Variants in DLGAP2 observed in about 807,000 individuals in gnomAD.
The protein encoded by DLGAP2 is disks large-associated protein 2.
In DLGAP2, 26 loss-of-function variants were observed where a neutral mutation model predicts 100.3. That is an observed-to-expected ratio of 0.26 (90% CI 0.19 to 0.36). The LOEUF is 0.36. Among genes scored for constraint, DLGAP2 ranks in the 10% least tolerant of loss-of-function variants. DLGAP2 has a pLI of 1.00. For synonymous variants in DLGAP2, 886 were observed against 630.1 expected (o/e 1.41, Z -6.08); for missense variants, 1,858 against 1,453.2 (o/e 1.28, Z -4.53).
rs61332216 is a variant in DLGAP2 at position 1,430,003 on chromosome 8, TATAC to T, written c.107-71359_107-71356del. 6.0e-4 allele frequency among the ~76,000 whole-genome samples: 42 copies of T among 70,286 alleles called. 5 individuals carry two copies. Among genetic ancestry groups the T allele is most frequent in the South Asian group, 2.7e-3 (5 of 1,884 alleles). The allele number at this position is 70,286 out of a possible 152,430, so 46.1% of individuals were successfully genotyped here. A position where few individuals can be genotyped will look rare whatever the true frequency, so the allele number is the denominator to read the frequency against. ...AAGCAGAAGGGGAGAGATGCATATA[TATAC>T]ATATATATATATATATATATACACA... is the stretch of plus-strand genomic sequence containing the variant. On this transcript the variant is annotated intron_variant, in intron 3 of 14. Coordinates refer to ENST00000637795, the MANE Select transcript of DLGAP2 (RefSeq NM_001346810.2).
At chr8:1,638,068 A>G (rs1184178761) in intron 8 of DLGAP2, among the ~76,000 whole-genome samples, 4 of 152,148 alleles carry the variant, frequency 2.6e-5, no homozygotes, top group Non-Finnish European at 4.4e-5. Flanking sequence ...GGCAGGACGG[A>G]TGGGGGACAT....
In DLGAP2 at chr8:1,697,230, C is replaced by T. The variant is rs1799422864; in HGVS notation, c.2880C>T (p.Ser960=). ...DMLQLSIEDV[S]MKFDELQRLR... ...TGCAGCTCTCCATTGAGGACGTCAG[C>T]ATGAAGTTCGACGAGCTGCAGCGGC... Residue 960 remains serine, a synonymous_variant, in exon 14 of 15, where the codon AGC becomes AGT. Transcript: ENST00000637795. 6.2e-7 allele frequency: 1 copy of T among 1,611,648 alleles called. No individual in the cohort carries two copies. Among genetic ancestry groups the T allele is most frequent in the African/African-American group, 1.3e-5 (1 of 74,862 alleles).
intron 2 of DLGAP2, among the ~76,000 whole-genome samples, chr8:1,179,125 A>C (rs1797325730): frequency 6.6e-6 from 1 of 152,144 alleles, no homozygotes; most frequent in African/African-American, 2.4e-5. Flanking sequence ...TACGATACCA[A>C]AGTGCCTGGA....
intron 3 of DLGAP2, among the ~76,000 whole-genome samples, chr8:1,449,618 G>T (rs1020558905): frequency 2.6e-5 from 4 of 152,290 alleles, no homozygotes; most frequent in Middle Eastern, 3.4e-3. Flanking sequence ...CATTCTGAAC[G>T]GGCAATGCTG....
At chr8:1,624,843 C>T (rs998830635) in intron 6 of DLGAP2, among the ~76,000 whole-genome samples, 1 of 145,392 alleles carries the variant, frequency 6.9e-6, no homozygotes, top group Non-Finnish European at 1.5e-5. Flanking sequence ...CCTCCCTTTG[C>T]TTTCTCTCTC....
chr8:985,959 G>T (rs1458237896), intron 2 of DLGAP2, among the ~76,000 whole-genome samples: 1 of 152,138 alleles, frequency 6.6e-6, no homozygotes, highest in Non-Finnish European at 1.5e-5. Context: ...AAAACTTCCT[G>T]AAGAAGATGC....
At chr8:1,236,228 C>A (rs1377542278) in intron 2 of DLGAP2, among the ~76,000 whole-genome samples, 1 of 85,224 alleles carries the variant, frequency 1.2e-5, no homozygotes, top group Non-Finnish European at 2.3e-5. Flanking sequence ...GTGTCTAGTT[C>A]TCTCACATGG....
At chr8:1,101,309 A>G (rs959022763) in intron 2 of DLGAP2, among the ~76,000 whole-genome samples, 3 of 152,234 alleles carry the variant, frequency 2.0e-5, no homozygotes, top group African/African-American at 4.8e-5. Context: ...CAGGGGGGCC[A>G]TTTGTTGGCC....
chr8:1,023,428 AAGC>A (rs1801684503), intron 2 of DLGAP2, among the ~76,000 whole-genome samples: 1 of 152,160 alleles, frequency 6.6e-6, no homozygotes, highest in African/African-American at 2.4e-5. Flanking sequence ...TCCTGGGTTC[AAGC>A]AGCATCCCAT....
intron 1 of DLGAP2, among the ~76,000 whole-genome samples, chr8:778,154 T>A (rs1821579230): frequency 6.6e-6 from 1 of 152,226 alleles, no homozygotes; most frequent in African/African-American, 2.4e-5. Flanking sequence ...CTGAGGCTTC[T>A]GCATTCTTCA....
rs141182265 is a variant in DLGAP2, at chr8:1,259,177, G to C, written c.106+294G>C. On this transcript the variant is annotated intron_variant, in intron 3 of 14. Coordinates refer to ENST00000637795, the MANE Select transcript of DLGAP2 (RefSeq NM_001346810.2). Reference sequence around the variant, plus strand: ...TTCCATCAGTTTCTGTGAGGTAACAGATGCTGATACAGGCTTGTTGGCTTT... The same window carrying C: ...TTCCATCAGTTTCTGTGAGGTAACACATGCTGATACAGGCTTGTTGGCTTT... Among the ~76,000 whole-genome samples the C allele has an allele frequency of 7.6e-3, 1,157 of 152,352 alleles. 12 individuals carry two copies. The highest frequency in any genetic ancestry group is 0.045 in the South Asian group (215 of 4,830).
chr8:821,261 C>T (rs1796578048), intron 1 of DLGAP2, among the ~76,000 whole-genome samples: 2 of 152,136 alleles, frequency 1.3e-5, no homozygotes, highest in Non-Finnish European at 2.9e-5. Context: ...TGTTCAGCAG[C>T]CCTGACCTTC....
At position 1,549,335 on chromosome 8, in the gene DLGAP2, C is replaced by G; in HGVS notation, c.882C>G (p.Ser294Arg). 1 of 1,613,282 alleles carries G rather than the reference C, an allele frequency of 6.2e-7. No individual in the cohort carries two copies. The highest frequency in any genetic ancestry group is 8.5e-7 in the Non-Finnish European group (1 of 1,179,742). ...AGGGCAAGCCCCGGCCCGGCATGAGCAGCTGGTGGAGCTCGGACGACAACC... is the reference window on the plus strand; with the variant it reads ...AGGGCAAGCCCCGGCCCGGCATGAGGAGCTGGTGGAGCTCGGACGACAACC... ...KPEGKPRPGM[S>R]SWWSSDDNLD... Residue 294 changes from serine to arginine, a missense_variant, in exon 5 of 15, where the codon AGC (serine) becomes AGG (arginine). Physicochemically the swap from Ser to Arg is moderately radical, Grantham distance 110. Transcript: ENST00000637795.
At chr8:1,468,427 G>T (rs921487800) in intron 3 of DLGAP2, among the ~76,000 whole-genome samples, 1 of 151,474 alleles carries the variant, frequency 6.6e-6, no homozygotes, top group East Asian at 1.9e-4. Context: ...CTGGTCCTGA[G>T]TCCCCAACAG....
intron 3 of DLGAP2, among the ~76,000 whole-genome samples, chr8:1,443,756 C>G (rs1048385734): frequency 6.6e-6 from 1 of 152,054 alleles, no homozygotes; most frequent in Non-Finnish European, 1.5e-5. Context: ...GGGGAAACTG[C>G]CCTCGTGATT....
chr8:1,048,724 GC>G (rs1171826961), intron 2 of DLGAP2, among the ~76,000 whole-genome samples: 1 of 151,952 alleles, frequency 6.6e-6, no homozygotes, highest in Admixed American at 6.5e-5. Context: ...TGGAACTGGG[GC>G]TGCGGTGGGC....
chr8:1,051,465 T>C (rs1802709742), intron 2 of DLGAP2, among the ~76,000 whole-genome samples: 1 of 152,174 alleles, frequency 6.6e-6, no homozygotes, highest in African/African-American at 2.4e-5. Flanking sequence ...TGCTGTCACT[T>C]CTGAAGTGAA....
chr8:1,558,733 TAC>T (rs1471067297), intron 5 of DLGAP2, among the ~76,000 whole-genome samples: 1 of 143,322 alleles, frequency 7.0e-6, no homozygotes, highest in East Asian at 2.0e-4. Context: ...TACCCACACA[TAC>T]ACACATAGGC....
chr8:1,455,399 C>G (rs1373277288), intron 3 of DLGAP2, among the ~76,000 whole-genome samples: 1 of 152,218 alleles, frequency 6.6e-6, no homozygotes, highest in African/African-American at 2.4e-5. Context: ...CCTCGGGGTC[C>G]CAGGGGGACC....
Sources: allele counts gnomAD v4.1 joint callset (sites outside exome capture counted in the v4.1 genomes callset), GRCh38; gene constraint gnomAD v4.1.1; transcripts MANE v1.5; gene names NCBI Gene and HGNC (gene_info 2026-07-23, HGNC 2026-07-21).